The following PXYLP1 variants were observed in gnomAD, a reference collection of about 807,000 sequenced individuals.
PXYLP1 encodes the protein 2-phosphoxylose phosphatase 1, also known as acid phosphatase-like 2.
PXYLP1 carries 17 observed loss-of-function variants against 37.9 expected under a neutral mutation model. The observed-to-expected ratio is 0.45, with a 90% CI of 0.31 to 0.67. The LOEUF (loss-of-function observed/expected upper bound fraction) is 0.67. Among genes scored for constraint, PXYLP1 ranks in the 30% least tolerant of loss-of-function variants. The pLI is 0.07. For synonymous variants in PXYLP1, 221 were observed against 232.2 expected (o/e 0.95, Z 0.44); for missense variants, 511 against 612.0 (o/e 0.84, Z 1.74).
chr3:141,243,556 C>A (rs1185040610), intron 1 of PXYLP1, among the ~76,000 whole-genome samples: 1 of 152,232 alleles, frequency 6.6e-6, no homozygotes. Flanking sequence ...CCACTGACAT[C>A]CTCCCTGCCT....
chr3:141,269,239 T>C (rs1340512415), intron 2 of PXYLP1, among the ~76,000 whole-genome samples: 2 of 152,160 alleles, frequency 1.3e-5, no homozygotes, highest in African/African-American at 2.4e-5. Context: ...ACTTATTTGC[T>C]CCTCTTGGGG....
chr3:141,269,667 G>C (rs539088252), intron 2 of PXYLP1, among the ~76,000 whole-genome samples: 2 of 152,174 alleles, frequency 1.3e-5, no homozygotes, highest in Non-Finnish European at 2.9e-5. Flanking sequence ...CAGAGATGAG[G>C]ATCAATCGTT....
At chr3:141,242,532 C>T (rs1296025310) in intron 1 of PXYLP1, among the ~76,000 whole-genome samples, 8 of 152,202 alleles carry the variant, frequency 5.3e-5, no homozygotes, top group Admixed American at 5.2e-4. Flanking sequence ...TGATTTCCTT[C>T]GTTCTCCCTC....
In PXYLP1 at chr3:141,243,151, A is replaced by T. The variant is rs183681793; in HGVS notation, c.-54+11240A>T. Among the ~76,000 whole-genome samples, 12 of 152,238 alleles carry T rather than the reference A, an allele frequency of 7.9e-5. No homozygotes were observed. The East Asian group carries it at 2.3e-3, about 29-fold the overall frequency. On this transcript the variant is annotated intron_variant, in intron 1 of 5. Transcript: ENST00000286353. ...GCTACTTCTAGGATAGCAGTGTAGG[A>T]GGGCCAGAGCCTGCCTGGCCTGGTC...
intron 2 of PXYLP1, chr3:141,274,048 CT>C: frequency 1.0e-6 from 1 of 987,058 alleles, no homozygotes; most frequent in East Asian, 1.1e-4. Flanking sequence ...CTGCTGTCAT[CT>C]GCCTGAGGTC....
rs1559881437 is a variant in PXYLP1, at chr3:141,248,588, CACACACGT to C, written c.-53-11534_-53-11527del. On this transcript the variant is annotated intron_variant, in intron 1 of 5. Transcript: ENST00000286353. Reference sequence around the variant, plus strand: ...ATATATATACACACATGTATATATACACACACGTGTATATATACACACGTATATATACA... The same window carrying C: ...ATATATATACACACATGTATATATACGTATATATACACACGTATATATACA... Among the ~76,000 whole-genome samples, 12 of 50,922 alleles carry C rather than the reference CACACACGT, an allele frequency of 2.4e-4. 2 individuals carry two copies. Among genetic ancestry groups the C allele is most frequent in the Admixed American group, 3.9e-4 (2 of 5,078 alleles). 33.4% of individuals were successfully genotyped at this position (50,922 alleles called of 152,430 possible). A position where few individuals can be genotyped will look rare whatever the true frequency, so the allele number is the denominator to read the frequency against.
chr3:141,264,380 T>C (rs1437732302), intron 2 of PXYLP1, among the ~76,000 whole-genome samples: 2 of 152,248 alleles, frequency 1.3e-5, no homozygotes, highest in Non-Finnish European at 2.9e-5. Flanking sequence ...TCTGGAGGGC[T>C]GCTCTTTGAA....
rs59518869 is a variant in PXYLP1, at chr3:141,233,190, G to A, written c.-54+1279G>A. On this transcript the variant is annotated intron_variant, in intron 1 of 5. Coordinates refer to ENST00000286353, the MANE Select transcript of PXYLP1 (RefSeq NM_001037172.3). ...TATAGCAGATGGATCAAAAGGCCTC[G>A]GGCGCGGTGGCTCACGCCTGTAATC... Among the ~76,000 whole-genome samples the A allele has an allele frequency of 7.8e-4, 119 of 152,266 alleles. 1 individual carries two copies. Among genetic ancestry groups the A allele is most frequent in the African/African-American group, 2.6e-3 (109 of 41,554 alleles).
At chr3:141,281,917 C>G (rs1203784574) in intron 4 of PXYLP1, among the ~76,000 whole-genome samples, 1 of 152,072 alleles carries the variant, frequency 6.6e-6, no homozygotes, top group Admixed American at 6.5e-5. Context: ...GGCTTCGATA[C>G]CCAGCAAGGG....
At chr3:141,257,034 A>G (rs1259242265) in intron 1 of PXYLP1, among the ~76,000 whole-genome samples, 1 of 152,250 alleles carries the variant, frequency 6.6e-6, no homozygotes, top group Non-Finnish European at 1.5e-5. Context: ...AACTAAATAT[A>G]GCTGTTTTCC....
chr3:141,242,914 A>G (rs957458564), intron 1 of PXYLP1, among the ~76,000 whole-genome samples: 25 of 152,342 alleles, frequency 1.6e-4, no homozygotes, highest in African/African-American at 6.0e-4. Flanking sequence ...CCCAGCTTCT[A>G]TAACTATCCT....
At chr3:141,285,151 T>TC (rs1177213377) in intron 4 of PXYLP1, among the ~76,000 whole-genome samples, 2 of 140,886 alleles carry the variant, frequency 1.4e-5, no homozygotes, top group Non-Finnish European at 3.1e-5. Context: ...TTTCTTTTTT[T>TC]TTTTTTTTTT....
chr3:141,286,173 G>T (rs1942070636), intron 4 of PXYLP1, among the ~76,000 whole-genome samples: 1 of 152,038 alleles, frequency 6.6e-6, no homozygotes, highest in African/African-American at 2.4e-5. Flanking sequence ...TACATTCATA[G>T]GCTACTTCAT....
intron 1 of PXYLP1, among the ~76,000 whole-genome samples, chr3:141,252,712 GGCTTCC>G (rs1941168594): frequency 1.3e-5 from 2 of 152,158 alleles, no homozygotes; most frequent in African/African-American, 4.8e-5. Flanking sequence ...GCTCCCCACT[GGCTTCC>G]CCACAGCCAA....
At chr3:141,279,116 C>T (rs1210479261) in intron 3 of PXYLP1, among the ~76,000 whole-genome samples, 1 of 152,202 alleles carries the variant, frequency 6.6e-6, no homozygotes, top group African/African-American at 2.4e-5. Flanking sequence ...ATTTCACCAG[C>T]CTCCCGTTGT....
intron 4 of PXYLP1, among the ~76,000 whole-genome samples, chr3:141,284,367 C>T (rs572984103): frequency 7.5e-6 from 1 of 132,904 alleles, no homozygotes; most frequent in East Asian, 2.1e-4. Context: ...ATCAGAAAGC[C>T]TGAACCCAGA....
intron 5 of PXYLP1, 120 bp downstream of exon 5, chr3:141,287,573 T>A: frequency 8.4e-7 from 1 of 1,196,220 alleles, no homozygotes; most frequent in Non-Finnish European, 1.1e-6. Context: ...AAGGACTGGC[T>A]CTGCAAGGAG....
chr3:141,270,495 G>A (rs150302945), intron 2 of PXYLP1, among the ~76,000 whole-genome samples: 305 of 152,336 alleles, frequency 2.0e-3, no homozygotes, highest in Non-Finnish European at 3.5e-3. Context: ...GGGCATTTAA[G>A]ATAATTTAGT....
chr3:141,278,265 C>T (rs1941845856), intron 2 of PXYLP1, 77 bp from the exon 3 acceptor site: 1 of 1,532,104 alleles, frequency 6.5e-7, no homozygotes, highest in Non-Finnish European at 8.9e-7. Flanking sequence ...AAAGTGAAAT[C>T]CAGCCCTGCG....
Sources: gnomAD v4.1 joint callset for allele counts (sites outside exome capture counted in the v4.1 genomes callset) on GRCh38, gnomAD v4.1.1 for gene constraint, MANE v1.5 for transcripts, NCBI Gene and HGNC (gene_info 2026-07-23, HGNC 2026-07-21) for gene names.